Variants in BTD observed in about 807,000 individuals in gnomAD.
The protein encoded by BTD is biotinidase, also known as biocytinase.
BTD carries 13 observed loss-of-function variants against 17.7 expected under a neutral mutation model. The observed-to-expected ratio is 0.74, with a 90% CI of 0.48 to 1.17. BTD has a LOEUF of 1.17. Among genes scored for constraint, BTD ranks in the 50% most tolerant of loss-of-function variants. BTD has a pLI of 0.00. For missense variants in BTD, 674 were observed against 650.4 expected (o/e 1.04, Z -0.39); for synonymous variants, 240 against 245.2 (o/e 0.98, Z 0.20).
intron 3 of BTD, among the ~76,000 whole-genome samples, chr3:15,701,283 T>C (rs1337160159): frequency 6.6e-6 from 1 of 152,202 alleles, no homozygotes; most frequent in East Asian, 1.9e-4. Flanking sequence ...CAGCAAATAT[T>C]CATCCATTTA....
In BTD at chr3:15,693,557, G is replaced by A. The variant is rs973347454; in HGVS notation, c.400-16503G>A. Among the ~76,000 whole-genome samples the A allele has an allele frequency of 2.2e-4, 34 of 152,208 alleles. 5 individuals carry two copies. The highest frequency in any genetic ancestry group is 9.8e-4 in the Admixed American group (15 of 15,278). The stretch of plus-strand genomic sequence containing the variant: ...ATCTCCACAAGGCGGAAATAGTCTG[G>A]CACCTAGAAAGTGCTCAAGAAATGA... On this transcript the variant is annotated intron_variant, in intron 3 of 3. Coordinates refer to the BTD transcript ENST00000672141.
chr3:15,711,288 T>TA, exon 4 of BTD: 2 of 1,593,118 alleles, frequency 1.3e-6, no homozygotes, highest in Non-Finnish European at 8.6e-7. Context: ...CAAGAATGAA[T>TA]ACATCTTATT....
At chr3:15,687,346 T>C (rs915094307) in intron 3 of BTD, among the ~76,000 whole-genome samples, 6 of 152,102 alleles carry the variant, frequency 3.9e-5, no homozygotes, top group South Asian at 2.1e-4. Flanking sequence ...TATATATATA[T>C]ACATACAGTA....
intron 3 of BTD, chr3:15,685,958 G>T: frequency 6.8e-7 from 1 of 1,461,974 alleles, no homozygotes; most frequent in South Asian, 1.2e-5. Flanking sequence ...GGTAATATGA[G>T]GTCATAAAAG....
chr3:15,632,855 T>C (rs2065247205), intron 1 of BTD: 1 of 152,368 alleles, frequency 6.6e-6, no homozygotes, highest in Non-Finnish European at 1.5e-5. Flanking sequence ...CTATTTACTT[T>C]TTCCTGAGAA....
chr3:15,683,728 T>C (rs2067790668), intron 3 of BTD: 1 of 152,164 alleles, frequency 6.6e-6, no homozygotes, highest in Non-Finnish European at 1.5e-5. Context: ...ATCAAAATAT[T>C]GTATCTCAGA....
At chr3:15,613,370 G>GTAAAGAA (rs888904587) in intron 1 of BTD, among the ~76,000 whole-genome samples, 4 of 152,080 alleles carry the variant, frequency 2.6e-5, no homozygotes, top group African/African-American at 9.7e-5. Context: ...AGCATCATCT[G>GTAAAGAA]ATTTCTTTTG....
At position 15,708,336 on chromosome 3, in the gene BTD, T is replaced by A. The variant is rs201240118; in HGVS notation, c.400-1724T>A. ...GCAATCCCAGTCCCAGTCCTTTGAG[T>A]GACTTTCAAATAACCTTCATATTCT... On this transcript the variant is annotated intron_variant, in intron 3 of 3. Coordinates refer to the BTD transcript ENST00000672141. Among the ~76,000 whole-genome samples the A allele has an allele frequency of 4.6e-5, 7 of 152,158 alleles. No homozygotes were observed. The East Asian group carries it at 5.8e-4, about 13-fold the overall frequency.
intron 3 of BTD, among the ~76,000 whole-genome samples, chr3:15,681,512 T>G (rs913134388): frequency 6.6e-6 from 1 of 152,250 alleles, no homozygotes; most frequent in African/African-American, 2.4e-5. Flanking sequence ...TTTATTTCAT[T>G]AGTCATTTGG....
downstream of BTD, among the ~76,000 whole-genome samples, chr3:15,717,651 A>T (rs2073227131): frequency 6.6e-6 from 1 of 152,202 alleles, no homozygotes; most frequent in Admixed American, 6.5e-5. Flanking sequence ...TTAGGTTTAA[A>T]TTTCAAAACA....
intron 3 of BTD, among the ~76,000 whole-genome samples, chr3:15,677,829 C>T (rs1290307315): frequency 6.6e-6 from 1 of 151,964 alleles, no homozygotes; most frequent in Non-Finnish European, 1.5e-5. Flanking sequence ...GTTTTATATG[C>T]TCTGGATTTA....
chr3:15,720,936 A>C (rs2073662371), intron 4 of BTD: 2 of 1,613,690 alleles, frequency 1.2e-6, no homozygotes, highest in Non-Finnish European at 1.7e-6. Context: ...CATCGGCCCC[A>C]TTGCCAACTA....
At chr3:15,658,912 A>G (rs2065896783) in intron 3 of BTD, among the ~76,000 whole-genome samples, 1 of 152,172 alleles carries the variant, frequency 6.6e-6, no homozygotes, top group African/African-American at 2.4e-5. Context: ...TAACTTGCCA[A>G]AAATCATACA....
Position 15,652,257 on chromosome 3 carries a change from C to T in BTD, c.*6769C>T, listed in dbSNP as rs774528215. On this transcript the variant is annotated 3_prime_UTR_variant, in exon 4 of 4. Transcript: ENST00000643237. ...AGAAGAATCGCTTGAACCCGGGAGGCGGAGGTTACAATGAGCTGAGATAGC... is the reference window on the plus strand; with the variant it reads ...AGAAGAATCGCTTGAACCCGGGAGGTGGAGGTTACAATGAGCTGAGATAGC... Among the ~76,000 whole-genome samples, 1 of 152,080 alleles carries T rather than the reference C, an allele frequency of 6.6e-6. No individual in the cohort carries two copies. The highest frequency in any genetic ancestry group is 1.9e-4 in the East Asian group (1 of 5,194).
At chr3:15,688,013 A>G (rs939159028) in intron 3 of BTD, among the ~76,000 whole-genome samples, 1 of 152,222 alleles carries the variant, frequency 6.6e-6, no homozygotes, top group South Asian at 2.1e-4. Flanking sequence ...AGGCATCTAT[A>G]GATACAAGGC....
chr3:15,619,491 T>C (rs2064888100), intron 1 of BTD, among the ~76,000 whole-genome samples: 1 of 152,220 alleles, frequency 6.6e-6, no homozygotes, highest in Non-Finnish European at 1.5e-5. Context: ...GAACCAACCT[T>C]TCATACCTGA....
chr3:15,706,283 T>G (rs972308155), intron 3 of BTD, among the ~76,000 whole-genome samples: 4 of 151,080 alleles, frequency 2.6e-5, no homozygotes, highest in Non-Finnish European at 5.9e-5. Flanking sequence ...ATGTTCCCCT[T>G]CCTGTGTCCA....
chr3:15,659,991 A>G (rs1270303529), intron 3 of BTD, among the ~76,000 whole-genome samples: 1 of 152,214 alleles, frequency 6.6e-6, no homozygotes, highest in Non-Finnish European at 1.5e-5. Flanking sequence ...ATTTCATTTA[A>G]TTCTTCTCAT....
upstream of BTD, chr3:15,601,412 T>C (rs751795931): frequency 3.7e-6 from 6 of 1,614,078 alleles, no homozygotes; most frequent in Admixed American, 3.3e-5. Flanking sequence ...GCGATGACTT[T>C]AGCACCAGAC....
Sources: gnomAD v4.1 joint callset for allele counts (sites outside exome capture counted in the v4.1 genomes callset) on GRCh38, gnomAD v4.1.1 for gene constraint, MANE v1.5 for transcripts, NCBI Gene and HGNC (gene_info 2026-07-23, HGNC 2026-07-21) for gene names.